Variants in HS3ST3A1 observed in about 807,000 individuals in gnomAD.
HS3ST3A1 encodes the protein heparan sulfate-glucosamine 3-sulfotransferase 3A1, also known as heparan sulfate glucosamine 3-O-sulfotransferase 3A1.
Under a neutral mutation model 25.7 loss-of-function variants are expected in HS3ST3A1, and 19 were observed. The ratio of observed to expected loss-of-function variants is 0.74; its 90% CI spans 0.52 to 1.08. The LOEUF is 1.08. Ranked by LOEUF, HS3ST3A1 falls within the 50% of genes least tolerant of loss-of-function variation. HS3ST3A1 has a pLI of 0.00. For missense variants in HS3ST3A1, 459 were observed against 594.3 expected (o/e 0.77, Z 2.37); for synonymous variants, 226 against 278.6 (o/e 0.81, Z 1.88).
chr17:13,592,676 C>T (rs1313761674), intron 1 of HS3ST3A1, among the ~76,000 whole-genome samples: 13 of 152,042 alleles, frequency 8.6e-5, no homozygotes, highest in Non-Finnish European at 1.6e-4. Context: ...CTCTTGATGG[C>T]GTGGGTGTTG....
At chr17:13,581,484 C>A (rs8079237) in intron 1 of HS3ST3A1, among the ~76,000 whole-genome samples, 53 of 133,728 alleles carry the variant, frequency 4.0e-4, no homozygotes, top group Non-Finnish European at 5.9e-4. Flanking sequence ...AAAAAAAAAA[C>A]GTAGAAACTT....
chr17:13,510,352 G>A (rs1905819791), intron 1 of HS3ST3A1, among the ~76,000 whole-genome samples: 1 of 152,250 alleles, frequency 6.6e-6, no homozygotes, highest in African/African-American at 2.4e-5. Flanking sequence ...GATAAGGGGG[G>A]AAAACGTGTT....
At chr17:13,583,123 T>TC (rs1908159395) in intron 1 of HS3ST3A1, among the ~76,000 whole-genome samples, 1 of 152,182 alleles carries the variant, frequency 6.6e-6, no homozygotes, top group Non-Finnish European at 1.5e-5. Flanking sequence ...GATACAAACA[T>TC]TTCGGCATCT....
chr17:13,579,154 T>C (rs1396488790), intron 1 of HS3ST3A1, among the ~76,000 whole-genome samples: 2 of 152,228 alleles, frequency 1.3e-5, no homozygotes, highest in South Asian at 2.1e-4. Flanking sequence ...GTGGAAACTC[T>C]ACCACTGTTC....
intron 1 of HS3ST3A1, among the ~76,000 whole-genome samples, chr17:13,502,555 A>G (rs12943793): frequency 0.11 from 16,065 of 152,134 alleles, 1,034 homozygotes; most frequent in Non-Finnish European, 0.15. Context: ...CTGAATTCTC[A>G]TTGCCCTCAT....
At position 13,600,942 on chromosome 17, in the gene HS3ST3A1, G is replaced by T; in HGVS notation, c.188C>A (p.Ala63Glu). 2 of 1,534,112 alleles carry T rather than the reference G, an allele frequency of 1.3e-6. No individual in the cohort carries two copies. The highest frequency in any genetic ancestry group is 1.2e-5 in the South Asian group (1 of 82,742). The change falls in exon 1 of 2, where the codon GCG becomes GAG. Residue 63 changes from alanine to glutamate, a missense_variant. Physicochemically the swap from Ala to Glu is moderately radical, Grantham distance 107. Transcript: ENST00000284110. ...CAGGACGCCGCCACCAGGGGCCCCC[G>T]CCTCCTCGCCGCCGCCGGACAGCCC... is the stretch of plus-strand genomic sequence containing the variant. ...VVGLSGGGEEAGAPGGGVLAG... is the reference protein window; with the variant it reads ...VVGLSGGGEEEGAPGGGVLAG...
At chr17:13,584,687 G>A (rs888203190) in intron 1 of HS3ST3A1, among the ~76,000 whole-genome samples, 1 of 151,906 alleles carries the variant, frequency 6.6e-6, no homozygotes, top group African/African-American at 2.4e-5. Flanking sequence ...CAGAAACCAG[G>A]GCATATAGGT....
intron 1 of HS3ST3A1, among the ~76,000 whole-genome samples, chr17:13,512,394 T>C (rs949497127): frequency 1.3e-5 from 2 of 151,124 alleles, no homozygotes; most frequent in Non-Finnish European, 2.9e-5. Context: ...AGCAGATTAG[T>C]TGTTGCCAAG....
rs796887141 is a variant in HS3ST3A1 at position 13,584,519 on chromosome 17, AAAGGAAGGAAGGAAAG to A, written c.599+15996_599+16011del. Among the ~76,000 whole-genome samples the A allele has an allele frequency of 8.9e-3, 1,303 of 145,866 alleles. 26 individuals are homozygous for A. Among genetic ancestry groups the A allele is most frequent in the African/African-American group, 0.03 (1,130 of 37,094 alleles). ...GGAGGCAAAGAAGGAAGGAAGGAAA[AAAGGAAGGAAGGAAAG>A]AAGGAAGGAAGGAAAGAAGGAAGGA... On this transcript the variant is annotated intron_variant, in intron 1 of 1. Coordinates refer to ENST00000284110, the MANE Select transcript of HS3ST3A1 (RefSeq NM_006042.3).
intron 1 of HS3ST3A1, among the ~76,000 whole-genome samples, chr17:13,531,883 AC>A (rs1906616737): frequency 6.6e-6 from 1 of 152,196 alleles, no homozygotes; most frequent in South Asian, 2.1e-4. Context: ...CCTCACACAG[AC>A]ACTTGCCTTA....
At chr17:13,554,801 C>T (rs79210386) in intron 1 of HS3ST3A1, among the ~76,000 whole-genome samples, 3,725 of 152,164 alleles carry the variant, frequency 0.024, 175 homozygotes, top group African/African-American at 0.085. Context: ...TAACAGATAC[C>T]ACCTTCCTCC....
intron 1 of HS3ST3A1, among the ~76,000 whole-genome samples, chr17:13,516,290 A>G (rs1906051349): frequency 6.6e-6 from 1 of 152,198 alleles, no homozygotes; most frequent in African/African-American, 2.4e-5. Context: ...AGCCTGGGTG[A>G]CAGCGCAAGA....
At chr17:13,551,115 A>C (rs1907229872) in intron 1 of HS3ST3A1, among the ~76,000 whole-genome samples, 1 of 151,094 alleles carries the variant, frequency 6.6e-6, no homozygotes, top group South Asian at 2.1e-4. Flanking sequence ...ATAACGAGTA[A>C]AATACCAATA....
At chr17:13,550,517 G>A (rs1397602679) in intron 1 of HS3ST3A1, among the ~76,000 whole-genome samples, 1 of 152,148 alleles carries the variant, frequency 6.6e-6, no homozygotes, top group Admixed American at 6.5e-5. Flanking sequence ...TGTGTGAGGA[G>A]CCTGGGTCCC....
chr17:13,574,760 A>AC (rs766234519), intron 1 of HS3ST3A1, among the ~76,000 whole-genome samples: 41,695 of 107,960 alleles, frequency 0.39, 6,594 homozygotes, highest in East Asian at 0.54. Flanking sequence ...ACACACACAC[A>AC]AAAAACACAC....
chr17:13,562,458 C>T (rs1907574971), intron 1 of HS3ST3A1, among the ~76,000 whole-genome samples: 2 of 152,158 alleles, frequency 1.3e-5, no homozygotes, highest in Admixed American at 6.5e-5. Flanking sequence ...CAATTCCTGA[C>T]ATTGCAGCCC....
intron 1 of HS3ST3A1, among the ~76,000 whole-genome samples, chr17:13,523,390 C>T (rs1198357037): frequency 6.6e-6 from 1 of 151,938 alleles, no homozygotes; most frequent in African/African-American, 2.4e-5. Context: ...ATTTGAGAGC[C>T]CACATTTGGG....
Position 13,600,974 on chromosome 17 carries a change from G to A in HS3ST3A1, c.156C>T (p.Pro52=). Residue 52 remains proline (P), a synonymous_variant, in exon 1 of 2, where the codon CCC becomes CCT. Transcript: ENST00000284110. ...LAERCQTLSG[P]VVGLSGGGEE... ...CGCCGCCGCCGGACAGCCCCACGAC[G>A]GGGCCGGACAGGGTCTGGCAGCGCT... 1 of 1,557,180 alleles carries A rather than the reference G, an allele frequency of 6.4e-7. No individual in the cohort carries two copies. The highest frequency in any genetic ancestry group is 8.7e-7 in the Non-Finnish European group (1 of 1,151,734).
intron 1 of HS3ST3A1, among the ~76,000 whole-genome samples, chr17:13,559,569 T>C (rs1907472274): frequency 1.3e-5 from 2 of 149,102 alleles, no homozygotes; most frequent in South Asian, 4.2e-4. Context: ...TATTATATAT[T>C]ATAAAAGTTT....
Sources: allele counts gnomAD v4.1 joint callset (sites outside exome capture counted in the v4.1 genomes callset), GRCh38; gene constraint gnomAD v4.1.1; transcripts MANE v1.5; gene names NCBI Gene and HGNC (gene_info 2026-07-23, HGNC 2026-07-21).